Variants in SEMA3D observed in about 807,000 individuals in gnomAD.
SEMA3D encodes the protein semaphorin-3D.
SEMA3D carries 84 observed loss-of-function variants against 100.1 expected under a neutral mutation model. The observed-to-expected ratio is 0.84, with a 90% confidence interval of 0.70 to 1.01. The LOEUF is 1.01. Ranked by LOEUF, SEMA3D falls within the 50% of genes least tolerant of loss-of-function variation. The pLI, the probability that SEMA3D is intolerant of heterozygous loss-of-function variation, is 0.00. For synonymous variants in SEMA3D, 312 were observed against 320.7 expected (o/e 0.97, Z 0.29); for missense variants, 875 against 934.1 (o/e 0.94, Z 0.82).
At chr7:85,142,911 C>G (rs995202798) in intron 2 of SEMA3D, 2 of 985,120 alleles carry the variant, frequency 2.0e-6, no homozygotes, top group East Asian at 1.1e-4. Flanking sequence ...AAGACTTTCT[C>G]TGGGAATCCC....
chr7:85,249,651 T>C, the SEMA3D span, among the ~76,000 whole-genome samples: 1 of 152,194 alleles, frequency 6.6e-6, no homozygotes, highest in East Asian at 1.9e-4. Flanking sequence ...AATAAATCTG[T>C]TTACTCATAT....
chr7:85,186,104 T>C (rs991720352), intron 1 of SEMA3D, among the ~76,000 whole-genome samples: 4 of 152,102 alleles, frequency 2.6e-5, no homozygotes, highest in African/African-American at 9.7e-5. Context: ...TCCAAAACGC[T>C]ACAACAAAAA....
chr7:85,093,489 CAG>C (rs1009615814), intron 4 of SEMA3D, among the ~76,000 whole-genome samples: 1 of 151,946 alleles, frequency 6.6e-6, no homozygotes, highest in African/African-American at 2.4e-5. Context: ...GAGTGGCCGA[CAG>C]AGAAAGAACC....
chr7:85,087,878 T>A (rs1181987822), intron 4 of SEMA3D, among the ~76,000 whole-genome samples: 1 of 152,170 alleles, frequency 6.6e-6, no homozygotes, highest in Non-Finnish European at 1.5e-5. Context: ...TATAGCTTAC[T>A]AGTATGAAAA....
At chr7:85,176,705 A>G (rs1791238509) in intron 1 of SEMA3D, among the ~76,000 whole-genome samples, 1 of 151,854 alleles carries the variant, frequency 6.6e-6, no homozygotes, top group African/African-American at 2.4e-5. Flanking sequence ...AAAATTCAGC[A>G]ATTTGGAACA....
chr7:85,027,405 G>A (rs770529731), intron 12 of SEMA3D, among the ~76,000 whole-genome samples: 11 of 151,956 alleles, frequency 7.2e-5, no homozygotes, highest in Admixed American at 5.9e-4. Context: ...TTTAGCATTT[G>A]CCATTGATTT....
At chr7:85,244,179 C>T in the SEMA3D span, among the ~76,000 whole-genome samples, 1 of 148,962 alleles carries the variant, frequency 6.7e-6, no homozygotes, top group African/African-American at 2.4e-5. Flanking sequence ...TGCTTCATAA[C>T]AGCAGAGAAG....
intron 1 of SEMA3D, among the ~76,000 whole-genome samples, 180 bp downstream of exon 1, chr7:85,186,498 C>T (rs749397409): frequency 2.1e-4 from 32 of 152,110 alleles, no homozygotes; most frequent in Non-Finnish European, 4.6e-4. Context: ...CCGATTTCGC[C>T]CACTCTCTGT....
chr7:85,241,734 G>A, the SEMA3D span, among the ~76,000 whole-genome samples: 1 of 151,204 alleles, frequency 6.6e-6, no homozygotes, highest in Non-Finnish European at 1.5e-5. Context: ...ATAATGTTCA[G>A]GTGATGGGTG....
rs140630375 is a variant in SEMA3D, at chr7:85,097,957, G to T, written c.160C>A (p.Leu54Ile). Residue 54 changes from leucine to isoleucine, a missense_variant, in exon 4 of 19, where the codon CTT becomes ATT. Leu to Ile is a conservative substitution (Grantham distance 5). Transcript: ENST00000284136. Reference protein sequence around the residue: ...RLKLTYKDLLLSNSCIPFLGS... With the variant: ...RLKLTYKDLLISNSCIPFLGS... ...AAAAAGGGAATACAGCTATTTGAAA[G>T]CAGCAAGTCTATGGAAAGCAAAAAA... 4 of 1,558,100 alleles carry T rather than the reference G, an allele frequency of 2.6e-6. No homozygotes were observed. Among genetic ancestry groups the T allele is most frequent in the African/African-American group, 2.8e-5 (2 of 72,616 alleles).
chr7:85,075,415 G>T (rs1583898106), intron 5 of SEMA3D, among the ~76,000 whole-genome samples: 1 of 145,664 alleles, frequency 6.9e-6, no homozygotes, highest in African/African-American at 2.6e-5. Flanking sequence ...ATATAATTTT[G>T]GTGATTATTA....
At chr7:85,232,759 A>G in the SEMA3D span, among the ~76,000 whole-genome samples, 7 of 152,334 alleles carry the variant, frequency 4.6e-5, no homozygotes, top group Admixed American at 4.6e-4. Flanking sequence ...CAAACTAGAT[A>G]AATGTGAAAC....
At chr7:85,128,547 C>A (rs1418849255) in intron 2 of SEMA3D, among the ~76,000 whole-genome samples, 2 of 151,912 alleles carry the variant, frequency 1.3e-5, no homozygotes, top group African/African-American at 4.8e-5. Flanking sequence ...TCATTTTTAT[C>A]AAAACTAAGC....
intron 5 of SEMA3D, among the ~76,000 whole-genome samples, chr7:85,074,451 T>C (rs1791864559): frequency 6.6e-6 from 1 of 152,192 alleles, no homozygotes; most frequent in Non-Finnish European, 1.5e-5. Context: ...AATGATAGGA[T>C]TGTTATGGCT....
intron 1 of SEMA3D, among the ~76,000 whole-genome samples, chr7:85,164,652 T>C (rs1369634926): frequency 1.3e-5 from 2 of 152,098 alleles, no homozygotes; most frequent in Non-Finnish European, 2.9e-5. Context: ...ACTTTCAGTG[T>C]TGTAGTTTAT....
chr7:85,097,739 A>G lies in SEMA3D; in HGVS notation c.312+66T>C, dbSNP rs182974027. 1.4e-3 allele frequency: 1,545 copies of G among 1,072,380 alleles called. 3 individuals are homozygous for G. Among genetic ancestry groups the G allele is most frequent in the Non-Finnish European group, 1.9e-3 (1,409 of 738,618 alleles). The allele number at this position is 1,072,380 out of a possible 1,614,324, so 66.4% of individuals were successfully genotyped here. ...TGTGTCCCTTAAAACAAAGCAAAAC[A>G]AAACGGGAGAAGAAGAGAGATGAAA... On this transcript the variant is annotated intron_variant, in intron 4 of 18. Transcript: ENST00000284136.
At chr7:85,140,072 A>G in intron 2 of SEMA3D, 1 of 426,966 alleles carries the variant, frequency 2.3e-6, no homozygotes, top group South Asian at 9.9e-5. Context: ...TATTAATTAC[A>G]TTAATATATT....
At chr7:85,155,387 T>C (rs1790561208) in intron 1 of SEMA3D, among the ~76,000 whole-genome samples, 1 of 152,076 alleles carries the variant, frequency 6.6e-6, no homozygotes, top group Non-Finnish European at 1.5e-5. Context: ...TCCATTAGAG[T>C]TTAGTGTTTA....
chr7:85,063,898 C>T (rs1791543180), intron 8 of SEMA3D, among the ~76,000 whole-genome samples: 1 of 152,114 alleles, frequency 6.6e-6, no homozygotes, highest in African/African-American at 2.4e-5. Flanking sequence ...GGTGACCCTC[C>T]CCTATCTATC....
Sources: gnomAD v4.1 joint callset for allele counts (sites outside exome capture counted in the v4.1 genomes callset) on GRCh38, gnomAD v4.1.1 for gene constraint, MANE v1.5 for transcripts, NCBI Gene and HGNC (gene_info 2026-07-23, HGNC 2026-07-21) for gene names.